The following TAL1 variants were observed in gnomAD, a reference collection of about 807,000 sequenced individuals.
TAL1 encodes the protein T-cell acute lymphocytic leukemia protein 1.
TAL1 carries 8 observed loss-of-function variants against 17.9 expected under a neutral mutation model. The observed-to-expected ratio is 0.45, with a 90% CI of 0.26 to 0.81. TAL1 has a LOEUF of 0.81. TAL1 is among the 30% of genes least tolerant of loss of function. The probability of loss-of-function intolerance (pLI) is 0.17; values close to 1 mark genes in which losing one functional copy is unlikely to be tolerated. For missense variants in TAL1, 466 were observed against 486.9 expected (o/e 0.96, Z 0.40); for synonymous variants, 223 against 218.6 (o/e 1.02, Z -0.18).
upstream of TAL1, chr1:47,231,611 C>A: frequency 4.3e-6 from 1 of 233,824 alleles, no homozygotes; most frequent in Non-Finnish European, 8.4e-6. Context: ...GACATAACGA[C>A]GACACCACCC....
chr1:47,221,427 T>C (rs1307098847), intron 3 of TAL1, among the ~76,000 whole-genome samples: 3 of 152,156 alleles, frequency 2.0e-5, no homozygotes, highest in Non-Finnish European at 2.9e-5. Flanking sequence ...CCAGCACACA[T>C]GTCTAGGGCA....
At chr1:47,226,875 C>T (rs1019632248) in intron 1 of TAL1, among the ~76,000 whole-genome samples, 2 of 152,212 alleles carry the variant, frequency 1.3e-5, no homozygotes, top group Admixed American at 6.5e-5. Context: ...CAGCCCCCCT[C>T]ACCGCCATCT....
chr1:47,231,428 C>T (rs552030982), upstream of TAL1, among the ~76,000 whole-genome samples: 50 of 151,382 alleles, frequency 3.3e-4, no homozygotes, highest in Non-Finnish European at 5.7e-4. Flanking sequence ...TCAGTGCGGA[C>T]AGGACCACAC....
exon 4 of TAL1, chr1:47,219,845 A>G (rs764347616): frequency 1.2e-6 from 2 of 1,600,132 alleles, no homozygotes; most frequent in East Asian, 2.2e-5. Context: ...GAGCTGCCGC[A>G]GCTGGAGTTG....
chr1:47,230,424 G>T (rs1643990872), upstream of TAL1: 1 of 152,166 alleles, frequency 6.6e-6, no homozygotes, highest in Non-Finnish European at 1.5e-5. Flanking sequence ...TTCTTCCCTG[G>T]ATTGCAATAC....
exon 3 of TAL1, chr1:47,224,067 T>A (rs758326860): frequency 2.5e-6 from 4 of 1,613,664 alleles, no homozygotes; most frequent in Non-Finnish European, 3.4e-6. Flanking sequence ...GTGGTGAACA[T>A]AGGGAAGGCA....
chr1:47,222,609 T>A (rs1457899389), intron 3 of TAL1, among the ~76,000 whole-genome samples: 3 of 152,102 alleles, frequency 2.0e-5, no homozygotes, highest in African/African-American at 2.4e-5. Flanking sequence ...CCTAGACACA[T>A]CCTGCACACT....
intron 3 of TAL1, among the ~76,000 whole-genome samples, chr1:47,220,795 G>A (rs1421178201): frequency 6.6e-6 from 1 of 152,194 alleles, no homozygotes; most frequent in East Asian, 1.9e-4. Flanking sequence ...ACTGTGCTAG[G>A]CACTGAGGAA....
chr1:47,222,809 A>G (rs1246947909), intron 3 of TAL1, among the ~76,000 whole-genome samples: 1 of 151,362 alleles, frequency 6.6e-6, no homozygotes, highest in African/African-American at 2.4e-5. Flanking sequence ...ACTGCCCTAC[A>G]CTCCTGCACA....
intron 2 of TAL1, 144 bp downstream of exon 3, chr1:47,225,299 G>A: frequency 2.8e-6 from 2 of 725,700 alleles, no homozygotes; most frequent in Non-Finnish European, 3.8e-6. Context: ...TAGAGCCACT[G>A]GGTTTAAAAC....
chr1:47,219,183 T>C (rs766563146), exon 4 of TAL1: 17 of 430,352 alleles, frequency 4.0e-5, no homozygotes, highest in Non-Finnish European at 4.8e-5. Context: ...ACCTCGAGGC[T>C]TGTGACTCTG....
Position 47,219,894 on chromosome 1 carries a change from G to GGCCCCCCCCCCCCCCCCCCCCCC in TAL1, c.821_822insGGGGGGGGGGGGGGGGGGGGGGC (p.Ala275GlyfsTer178). 3 of 1,556,012 alleles carry GGCCCCCCCCCCCCCCCCCCCCCC rather than the reference G, an allele frequency of 1.9e-6. No homozygotes were observed. Among genetic ancestry groups the GGCCCCCCCCCCCCCCCCCCCCCC allele is most frequent in the African/African-American group, 1.4e-5 (1 of 73,440 alleles). On this transcript the variant is annotated frameshift_variant, in exon 4 of 4. Coordinates refer to ENST00000294339, the Ensembl canonical transcript of TAL1. LOFTEE classifies it high-confidence loss of function. Reference sequence around the variant, plus strand: ...CTTGCAGGAGGTCATCTGGGGGCGCGCCGCCCCCTCCCCCACCTCCACCCC... The same window carrying GGCCCCCCCCCCCCCCCCCCCCCC: ...CTTGCAGGAGGTCATCTGGGGGCGCGGCCCCCCCCCCCCCCCCCCCCCCCCGCCCCCTCCCCCACCTCCACCCC...
intron 2 of TAL1, among the ~76,000 whole-genome samples, chr1:47,224,575 A>G (rs1215424191): frequency 6.6e-6 from 1 of 152,148 alleles, no homozygotes; most frequent in Non-Finnish European, 1.5e-5. Context: ...AAAGGGGCAC[A>G]CTGTCCCCTC....
intron 1 of TAL1, chr1:47,226,218 A>C: frequency 5.8e-6 from 2 of 341,906 alleles, no homozygotes; most frequent in East Asian, 5.2e-5. Flanking sequence ...AGAAGGGGAA[A>C]TCAGGAGGAA....
chr1:47,229,474 C>T (rs771994179), exon 1 of TAL1: 1 of 175,740 alleles, frequency 5.7e-6, no homozygotes, highest in Non-Finnish European at 1.2e-5. Context: ...CCCGACCAAC[C>T]AGTCCAGGGA....
chr1:47,219,753 C>G, exon 4 of TAL1: 1 of 1,611,030 alleles, frequency 6.2e-7, no homozygotes, highest in South Asian at 1.1e-5. Context: ...CGGCAGGCAG[C>G]ATGGCAGGAT....
At chr1:47,219,109 G>C (rs1466276286) in exon 4 of TAL1, 2 of 346,014 alleles carry the variant, frequency 5.8e-6, no homozygotes. Flanking sequence ...CTGACCCTCC[G>C]GCCCAGCTCA....
upstream of TAL1, among the ~76,000 whole-genome samples, chr1:47,231,879 G>C (rs1193157382): frequency 6.6e-6 from 1 of 152,054 alleles, no homozygotes; most frequent in Non-Finnish European, 1.5e-5. Flanking sequence ...ACACAACCAC[G>C]AAGAAGAAAT....
At chr1:47,220,514 G>A (rs2148586235) in intron 3 of TAL1, among the ~76,000 whole-genome samples, 1 of 152,262 alleles carries the variant, frequency 6.6e-6, no homozygotes, top group Non-Finnish European at 1.5e-5. Context: ...TGTGCCAAGA[G>A]GCCTTACAGC....
Sources: allele counts gnomAD v4.1 joint callset (sites outside exome capture counted in the v4.1 genomes callset), GRCh38; gene constraint gnomAD v4.1.1; transcripts MANE v1.5; gene names NCBI Gene and HGNC (gene_info 2026-07-23, HGNC 2026-07-21).